The following CMTM8 variants were observed in gnomAD, a reference collection of about 807,000 sequenced individuals.
CMTM8 encodes the protein CKLF like MARVEL transmembrane domain containing 8, also known as CKLF-like MARVEL transmembrane domain-containing protein 8.
Under a neutral mutation model 18.6 loss-of-function variants are expected in CMTM8, and 12 were observed. The ratio of observed to expected loss-of-function variants is 0.65; its 90% CI spans 0.41 to 1.05. The LOEUF is 1.05. Ranked by LOEUF, CMTM8 falls within the 50% of genes least tolerant of loss-of-function variation. The pLI is 0.00. For synonymous variants in CMTM8, 87 were observed against 90.6 expected (o/e 0.96, Z 0.23); for missense variants, 217 against 227.2 (o/e 0.95, Z 0.29).
intron 1 of CMTM8, among the ~76,000 whole-genome samples, chr3:32,333,854 C>G (rs1260614555): frequency 6.6e-6 from 1 of 152,010 alleles, no homozygotes; most frequent in East Asian, 1.9e-4. Flanking sequence ...CTAATGTAAA[C>G]TATGGGCTTT....
intron 1 of CMTM8, among the ~76,000 whole-genome samples, chr3:32,353,632 A>G (rs58618958): frequency 0.084 from 12,754 of 152,236 alleles, 639 homozygotes; most frequent in East Asian, 0.18. Context: ...ATTTATAAGG[A>G]AGAAAGAGAA....
intron 1 of CMTM8, among the ~76,000 whole-genome samples, chr3:32,279,961 G>A (rs1054112372): frequency 3.3e-5 from 5 of 151,584 alleles, no homozygotes; most frequent in Admixed American, 2.6e-4. Context: ...GTGTTTTTTG[G>A]CTGCATAAAT....
intron 1 of CMTM8, among the ~76,000 whole-genome samples, chr3:32,351,502 G>A (rs970104602): frequency 1.3e-5 from 2 of 152,092 alleles, no homozygotes; most frequent in Admixed American, 6.6e-5. Context: ...GAGCCCAGGA[G>A]TTCGAGACCA....
intron 1 of CMTM8, among the ~76,000 whole-genome samples, chr3:32,307,840 T>C (rs1695746449): frequency 6.6e-6 from 1 of 152,172 alleles, no homozygotes; most frequent in South Asian, 2.1e-4. Context: ...GTGACGTTGA[T>C]GTTGCTGGTC....
intron 1 of CMTM8, among the ~76,000 whole-genome samples, chr3:32,280,328 A>T (rs1236439098): frequency 6.6e-6 from 1 of 152,084 alleles, no homozygotes; most frequent in Non-Finnish European, 1.5e-5. Flanking sequence ...ACCCCCACCC[A>T]CTTTTTCTTC....
intron 1 of CMTM8, among the ~76,000 whole-genome samples, chr3:32,347,517 G>A (rs1234704172): frequency 1.3e-5 from 2 of 150,608 alleles, no homozygotes; most frequent in Non-Finnish European, 3.0e-5. Flanking sequence ...AGGGACGGGG[G>A]CTTTACACAC....
At chr3:32,276,281 G>A (rs1187943895) in intron 1 of CMTM8, among the ~76,000 whole-genome samples, 1 of 152,132 alleles carries the variant, frequency 6.6e-6, no homozygotes, top group East Asian at 1.9e-4. Flanking sequence ...TCAGTGAGGG[G>A]GTGCAGAGAA....
chr3:32,251,088 A>C (rs2125531324), intron 1 of CMTM8, among the ~76,000 whole-genome samples: 1 of 152,344 alleles, frequency 6.6e-6, no homozygotes, highest in South Asian at 2.1e-4. Flanking sequence ...TTCTGCAAAT[A>C]CTGAAATTTT....
chr3:32,355,788 C>T (rs1291666004), intron 1 of CMTM8, among the ~76,000 whole-genome samples: 1 of 152,234 alleles, frequency 6.6e-6, no homozygotes, highest in East Asian at 1.9e-4. Flanking sequence ...ACTACACATT[C>T]TTACAGGTTC....
intron 1 of CMTM8, among the ~76,000 whole-genome samples, chr3:32,278,354 CTA>C (rs2125548035): frequency 6.6e-6 from 1 of 152,304 alleles, no homozygotes; most frequent in South Asian, 2.1e-4. Flanking sequence ...TATGGACAAA[CTA>C]TATTCTGTGC....
At chr3:32,315,193 G>A (rs1245471432) in intron 1 of CMTM8, among the ~76,000 whole-genome samples, 7 of 150,612 alleles carry the variant, frequency 4.6e-5, no homozygotes, top group South Asian at 2.1e-4. Context: ...GCAGTGGCAC[G>A]ATCTCAGCTC....
intron 1 of CMTM8, among the ~76,000 whole-genome samples, chr3:32,332,301 G>A (rs1219347478): frequency 6.6e-6 from 1 of 152,162 alleles, no homozygotes; most frequent in Non-Finnish European, 1.5e-5. Context: ...ACCTGCAGTG[G>A]GGACAGTTAC....
chr3:32,288,505 A>G (rs1702721488), intron 1 of CMTM8, among the ~76,000 whole-genome samples: 1 of 66,640 alleles, frequency 1.5e-5, no homozygotes, highest in Non-Finnish European at 3.2e-5. Flanking sequence ...CTATACAGCT[A>G]TCATTTTTTT....
At chr3:32,315,290 C>T (rs953747938) in intron 1 of CMTM8, among the ~76,000 whole-genome samples, 1 of 152,100 alleles carries the variant, frequency 6.6e-6, no homozygotes, top group Admixed American at 6.6e-5. Flanking sequence ...CCACCACACC[C>T]AGCTAATTTT....
chr3:32,365,028 T>C (rs916502061), intron 2 of CMTM8, among the ~76,000 whole-genome samples: 1 of 152,092 alleles, frequency 6.6e-6, no homozygotes, highest in African/African-American at 2.4e-5. Context: ...TCCTGGGCCA[T>C]GTGGAGAATG....
At chr3:32,238,304 G>A (rs1478304279), upstream of CMTM8, 1 of 152,374 alleles carries the variant, frequency 6.6e-6, no homozygotes, top group African/African-American at 2.4e-5. Context: ...TCGTCGCTCA[G>A]TCATTCCCTC....
intron 1 of CMTM8, among the ~76,000 whole-genome samples, chr3:32,240,542 T>G (rs1701934770): frequency 6.6e-6 from 1 of 152,192 alleles, no homozygotes; most frequent in Admixed American, 6.5e-5. Context: ...ATAACGCCTT[T>G]GGGTTTTTTT....
At chr3:32,260,026 C>A in intron 1 of CMTM8, 1 of 1,130,588 alleles carries the variant, frequency 8.8e-7, no homozygotes, top group Non-Finnish European at 1.3e-6. Context: ...CCCAGGAGTA[C>A]AAGGCCCTGC....
intron 1 of CMTM8, among the ~76,000 whole-genome samples, chr3:32,284,113 T>C (rs6763798): frequency 0.77 from 116,789 of 152,074 alleles, 45,065 homozygotes; most frequent in East Asian, 0.9. Context: ...ATCAGCTGGG[T>C]GTGGTGGCAC....
Sources: allele counts gnomAD v4.1 joint callset (sites outside exome capture counted in the v4.1 genomes callset), GRCh38; gene constraint gnomAD v4.1.1; transcripts MANE v1.5; gene names NCBI Gene and HGNC (gene_info 2026-07-23, HGNC 2026-07-21).